The following TVP23A variants were observed in gnomAD, a reference collection of about 807,000 sequenced individuals.
TVP23A encodes the protein Golgi apparatus membrane protein TVP23 homolog A.
Under a neutral mutation model 31.7 loss-of-function variants are expected in TVP23A, and 21 were observed. The observed-to-expected ratio is 0.66, with a 90% CI of 0.47 to 0.95. TVP23A has a LOEUF of 0.95. Among genes scored for constraint, TVP23A ranks in the 40% least tolerant of loss-of-function variants. The pLI, the probability that TVP23A is intolerant of heterozygous loss-of-function variation, is 0.00. For missense variants in TVP23A, 279 were observed against 255.6 expected (o/e 1.09, Z -0.62); for synonymous variants, 104 against 96.0 (o/e 1.08, Z -0.49).
rs1038799156 is a variant in TVP23A, at chr16:10,777,472, G to A, written c.90-2376C>T. Among the ~76,000 whole-genome samples, 7 of 152,102 alleles carry A rather than the reference G, an allele frequency of 4.6e-5. No individual in the cohort carries two copies. Among genetic ancestry groups the A allele is most frequent in the Non-Finnish European group, 7.4e-5 (5 of 68,020 alleles). ...TCCACACAGAACTGCAGGGGAAAGC[G>A]CCTGCTCATTCTCCCCAAGAAGAAA... On this transcript the variant is annotated intron_variant, in intron 2 of 7. Coordinates refer to ENST00000299866, the MANE Select transcript of TVP23A (RefSeq NM_001079512.4). This position sits in a 1 kb window ranked among gnomAD's most constrained non-coding sequence, Gnocchi z 4.5.
intron 2 of TVP23A, among the ~76,000 whole-genome samples, chr16:10,792,620 C>T (rs530196818): frequency 6.6e-6 from 1 of 152,356 alleles, no homozygotes; most frequent in Admixed American, 6.5e-5. Flanking sequence ...GAAACCCAAG[C>T]CTAAAAAAGC....
chr16:10,804,562 A>G (rs760972248), intron 2 of TVP23A, among the ~76,000 whole-genome samples: 1 of 152,188 alleles, frequency 6.6e-6, no homozygotes, highest in Non-Finnish European at 1.5e-5. Flanking sequence ...AGCCTAGGCA[A>G]CTAGAGAGAC....
At chr16:10,784,044 G>C (rs1011478013) in intron 2 of TVP23A, among the ~76,000 whole-genome samples, 4 of 152,092 alleles carry the variant, frequency 2.6e-5, no homozygotes, top group Middle Eastern at 3.4e-3. Flanking sequence ...AAAACTCATA[G>C]AATGGGCTAG....
Position 10,766,845 on chromosome 16 carries a change from A to G in TVP23A, c.*2257T>C, listed in dbSNP as rs2030956530. 2.5e-6 allele frequency: 1 copy of G among 397,986 alleles called. No homozygotes were observed. The highest frequency in any genetic ancestry group is 1.4e-4 in the South Asian group (1 of 7,382). The allele number at this position is 397,986 out of a possible 1,614,324, so 24.7% of individuals were successfully genotyped here. On this transcript the variant is annotated 3_prime_UTR_variant, in exon 8 of 8. Coordinates refer to ENST00000299866, the MANE Select transcript of TVP23A (RefSeq NM_001079512.4). This position sits in a 1 kb window ranked among gnomAD's most constrained non-coding sequence, Gnocchi z 4.8. ...ACGAAAAGGATGAAGTAAAGTTACA[A>G]AGTCATTTACGGCATACGTCCTATG...
In TVP23A at chr16:10,774,021, G is replaced by C. The variant is rs1292784840; in HGVS notation, c.324+18C>G. 6.3e-7 allele frequency: 1 copy of C among 1,595,866 alleles called. No individual in the cohort carries two copies. The highest frequency in any genetic ancestry group is 1.3e-5 in the African/African-American group (1 of 74,652). On this transcript the variant is annotated intron_variant, in intron 4 of 7. Transcript: ENST00000299866. ...CATTATCCCCGCTCTGGTTAGTTCA[G>C]CTCGTCATGGAGAATACCTTCCTGG... is the stretch of plus-strand genomic sequence containing the variant.
downstream of TVP23A, chr16:10,760,854 G>A (rs753067125): frequency 2.1e-4 from 33 of 154,964 alleles, no homozygotes; most frequent in Admixed American, 8.2e-4. Flanking sequence ...TATGGATTTG[G>A]CAGAGGGCAT....
At chr16:10,799,278 A>T (rs2033573154) in intron 2 of TVP23A, among the ~76,000 whole-genome samples, 1 of 152,220 alleles carries the variant, frequency 6.6e-6, no homozygotes, top group African/African-American at 2.4e-5. Flanking sequence ...AAGTTGGGGG[A>T]AATCTGTCAT....
At chr16:10,761,531 C>T (rs777596593) in exon 9 of TVP23A, 101 of 1,416,012 alleles carry the variant, frequency 7.1e-5, no homozygotes, top group Middle Eastern at 1.9e-4. Flanking sequence ...GATGAGGAAA[C>T]GATCGGAAGG....
intron 2 of TVP23A, among the ~76,000 whole-genome samples, chr16:10,812,695 G>A (rs759826579): frequency 3.3e-5 from 5 of 152,164 alleles, no homozygotes; most frequent in Admixed American, 6.6e-5. Flanking sequence ...CCCTAGAGTA[G>A]TCAAATGCAT....
At chr16:10,761,737 C>T (rs199557719), downstream of TVP23A, 1 of 1,592,884 alleles carries the variant, frequency 6.3e-7, no homozygotes. Context: ...TGTTTCCTCC[C>T]CTTTGAATTT....
At chr16:10,763,872 G>A, downstream of TVP23A, 1 of 166,598 alleles carries the variant, frequency 6.0e-6, no homozygotes, top group Non-Finnish European at 1.3e-5. Context: ...CTCAGCCCCT[G>A]GAAGCATCTC....
exon 9 of TVP23A, chr16:10,761,304 C>A: frequency 6.6e-7 from 1 of 1,504,344 alleles, no homozygotes. Flanking sequence ...CCCTCGGTTG[C>A]ACAGACATTC....
intron 6 of TVP23A, among the ~76,000 whole-genome samples, chr16:10,770,868 CA>C (rs376701429): frequency 0.018 from 1,210 of 66,358 alleles, 7 homozygotes; most frequent in African/African-American, 0.051. Context: ...ACTCCCATCT[CA>C]AAAAAAAAAA....
At chr16:10,762,309 G>A (rs1028848311), downstream of TVP23A, among the ~76,000 whole-genome samples, 3 of 152,182 alleles carry the variant, frequency 2.0e-5, no homozygotes, top group Admixed American at 6.5e-5. Context: ...GGGACAGACC[G>A]GAACGCGGAT....
chr16:10,808,264 C>T (rs765816283), intron 2 of TVP23A, among the ~76,000 whole-genome samples: 4 of 152,198 alleles, frequency 2.6e-5, no homozygotes, highest in Admixed American at 6.5e-5. Flanking sequence ...CAATTTCAAG[C>T]GGGGCTCATG....
intron 6 of TVP23A, 59 bp downstream of exon 6, chr16:10,771,611 C>T (rs2031626269): frequency 1.2e-6 from 2 of 1,600,852 alleles, no homozygotes; most frequent in East Asian, 2.2e-5. Context: ...GCCAGCAGGC[C>T]ACCTTGACTT....
chr16:10,770,190 ACCCCGGGC>A, intron 7 of TVP23A, 74 bp downstream of exon 7: 1 of 1,514,688 alleles, frequency 6.6e-7, no homozygotes, highest in East Asian at 2.5e-5. Flanking sequence ...GCCCACCCAG[ACCCCGGGC>A]CCCTGTGCCC....
At chr16:10,769,881 C>A (rs1386288915) in intron 7 of TVP23A, among the ~76,000 whole-genome samples, 1 of 152,132 alleles carries the variant, frequency 6.6e-6, no homozygotes, top group African/African-American at 2.4e-5. Flanking sequence ...TCTGAGACCA[C>A]GTGGGAGAAG....
At chr16:10,787,777 TC>T (rs1486596364) in intron 2 of TVP23A, among the ~76,000 whole-genome samples, 4 of 151,968 alleles carry the variant, frequency 2.6e-5, no homozygotes, top group Admixed American at 2.6e-4. Context: ...AATTCACTCC[TC>T]ATATGTGTCA....
Sources: gnomAD v4.1 joint callset for allele counts (sites outside exome capture counted in the v4.1 genomes callset) on GRCh38, gnomAD v4.1.1 for gene constraint, Gnocchi (gnomAD v3.1) non-coding constraint, MANE v1.5 for transcripts, NCBI Gene and HGNC (gene_info 2026-07-23, HGNC 2026-07-21) for gene names.